WDR90: variants seen among roughly 807,000 people sequenced by gnomAD.
WDR90 encodes the protein WD repeat-containing protein 90.
Under a neutral mutation model 195.2 loss-of-function variants are expected in WDR90, and 238 were observed. The ratio of observed to expected loss-of-function variants is 1.22; its 90% confidence interval spans 1.10 to 1.36. The LOEUF (loss-of-function observed/expected upper bound fraction) is 1.36, where lower values mean the gene tolerates loss of function less well. Among genes scored for constraint, WDR90 ranks in the 40% most tolerant of loss-of-function variants. WDR90 has a pLI of 0.00. For synonymous variants in WDR90, 1,265 were observed against 1,052.4 expected (o/e 1.20, Z -3.91); for missense variants, 2,734 against 2,439.5 (o/e 1.12, Z -2.54).
At position 657,137 on chromosome 16, in the gene WDR90, C is replaced by T. The variant is rs775017787; in HGVS notation, c.2389C>T (p.Arg797Cys). Residue 797 changes from arginine to cysteine, a missense_variant, in exon 20 of 41, where the codon CGC becomes TGC. By Grantham distance (180) the Arg-to-Cys change is radical (BLOSUM62 -3). Transcript: ENST00000293879. The stretch of plus-strand genomic sequence containing the variant: ...CGGCCTGACCGCCACCCCTGACGGC[C>T]GCCTGCTCTTCAGCTCCTGCTCCCA... ...VTGLTATPDG[R>C]LLFSSCSQGS... 20 of 1,578,220 alleles carry T rather than the reference C, an allele frequency of 1.3e-5. No individual in the cohort carries two copies. Among genetic ancestry groups the T allele is most frequent in the Admixed American group, 9.0e-5 (5 of 55,290 alleles).
Position 653,362 on chromosome 16 carries a change from G to A in WDR90, c.1144G>A (p.Ala382Thr), listed in dbSNP as rs368974178. The A allele has an allele frequency of 1.3e-6, 2 of 1,579,390 alleles. No homozygotes were observed. Among genetic ancestry groups the A allele is most frequent in the African/African-American group, 2.7e-5 (2 of 73,292 alleles). ...TRQALWTPDG[A>T]AVVYPCHAVI... ...CCAGGCCCTGTGGACCCCAGACGGG[G>A]CGGCTGTCGTGTACCCCTGCCATGC... Residue 382 changes from alanine (A) to threonine (T), a missense_variant, in exon 11 of 41, where the codon GCG (alanine) becomes ACG (threonine). By Grantham distance (58) the Ala-to-Thr change is moderately conservative (BLOSUM62 0). Coordinates refer to ENST00000293879, the MANE Select transcript of WDR90 (RefSeq NM_145294.5).
In WDR90 at chr16:650,009, G is replaced by C. The variant is rs781476262; in HGVS notation, c.121G>C (p.Ala41Pro). ...TCTCCAGGACAAGACCCTGAAGGGC[G>C]CCGTGTATCGCATTCGGGGCTCAGT... ...AVVTDKTLKG[A>P]VYRIRGSVSA... Residue 41 changes from alanine to proline, a missense_variant, in exon 3 of 41, where the codon GCC becomes CCC. Transcript: ENST00000293879. The C allele has an allele frequency of 1.2e-6, 2 of 1,612,618 alleles. No individual in the cohort carries two copies. The highest frequency in any genetic ancestry group is 2.7e-5 in the African/African-American group (2 of 74,950).
chr16:667,511 C>T lies in WDR90; in HGVS notation c.5169C>T (p.Cys1723=). The stretch of plus-strand genomic sequence containing the variant: ...GCCACGACAACGCAGTGCACCTGTG[C>T]AGGTTTACACCGTCCGCCAGGCTGC... ...FAGHDNAVHL[C]RFTPSARLLF... Residue 1723 remains cysteine (C), a synonymous_variant, in exon 41 of 41, where the codon TGC becomes TGT. Transcript: ENST00000293879. 2 of 1,612,560 alleles carry T rather than the reference C, an allele frequency of 1.2e-6. No individual in the cohort carries two copies. Among genetic ancestry groups the T allele is most frequent in the African/African-American group, 2.7e-5 (2 of 75,066 alleles).
chr16:667,180 G>A (rs1359188621), intron 40 of WDR90, among the ~76,000 whole-genome samples, 191 bp downstream of exon 40: 1 of 152,206 alleles, frequency 6.6e-6, no homozygotes, highest in South Asian at 2.1e-4. Flanking sequence ...CAGGCACAGC[G>A]CCCAGCACAG....
In WDR90 at chr16:661,733, G is replaced by A; in HGVS notation, c.3810G>A (p.Gln1270=). 1 of 1,611,848 alleles carries A rather than the reference G, an allele frequency of 6.2e-7. No individual in the cohort carries two copies. The highest frequency in any genetic ancestry group is 8.5e-7 in the Non-Finnish European group (1 of 1,179,486). The change falls in exon 31 of 41, where the codon CAG becomes CAA. Residue 1270 remains glutamine (Q), a synonymous_variant. Transcript: ENST00000293879. ...WDAGELTCVG[Q]GTVTFWLLQQ... is the part of the protein sequence containing the mutation. The stretch of plus-strand genomic sequence containing the variant: ...CCGGCGAGCTCACCTGTGTGGGCCA[G>A]GGCACTGTCACCTTCTGGCTCCTTC...
chr16:649,986 T>C lies in WDR90; in HGVS notation c.103-5T>C, dbSNP rs1362013784. ...TGTCGGTGATGCGGGCTCCCGCTTC[T>C]CCAGGACAAGACCCTGAAGGGCGCC... On this transcript the variant is annotated splice_region_variant and splice_polypyrimidine_tract_variant and intron_variant, in intron 2 of 40. Transcript: ENST00000293879. The C allele has an allele frequency of 1.2e-6, 2 of 1,612,226 alleles. No individual in the cohort carries two copies.
At position 661,647 on chromosome 16, in the gene WDR90, C is replaced by T. The variant is rs1224061975; in HGVS notation, c.3724C>T (p.Leu1242Phe). 3 of 1,609,214 alleles carry T rather than the reference C, an allele frequency of 1.9e-6. No individual in the cohort carries two copies. The highest frequency in any genetic ancestry group is 2.7e-5 in the African/African-American group (2 of 74,844). The change falls in exon 31 of 41, where the codon CTC becomes TTC. Residue 1242 changes from leucine (L) to phenylalanine (F), a missense_variant. Physicochemically the swap from Leu to Phe is conservative, Grantham distance 22. Coordinates refer to ENST00000293879, the MANE Select transcript of WDR90 (RefSeq NM_145294.5). ...CCTGTGGGGCACGGCCACCTATGAC[C>T]TCGTGTCCTCCACCCGCCTCCCGGA... ...LALWGTATYD[L>F]VSSTRLPEPV... is the part of the protein sequence containing the mutation.
In WDR90 at chr16:650,606, C is replaced by G; in HGVS notation, c.456C>G (p.Leu152=). The G allele has an allele frequency of 6.2e-7, 1 of 1,612,790 alleles. No individual in the cohort carries two copies. The highest frequency in any genetic ancestry group is 8.5e-7 in the Non-Finnish European group (1 of 1,179,940). Residue 152 remains leucine, a synonymous_variant, in exon 5 of 41, where the codon CTC becomes CTG. Coordinates refer to ENST00000293879, the MANE Select transcript of WDR90 (RefSeq NM_145294.5). ...TCLQLDLQDV[L]LVYLNRCYGH... ...TGCAGCTCGATCTGCAGGACGTTCT[C>G]CTGGTCTACCTGAACCGGTGCTACG... is the stretch of plus-strand genomic sequence containing the variant.
At position 661,617 on chromosome 16, in the gene WDR90, C is replaced by T; in HGVS notation, c.3694C>T (p.Leu1232Phe). ...CCCAGGGGACCACGATGGCCGCACCCTCGCCCTGTGGGGCACGGCCACCTA... is the reference window on the plus strand; with the variant it reads ...CCCAGGGGACCACGATGGCCGCACCTTCGCCCTGTGGGGCACGGCCACCTA... ...VTLGDHDGRT[L>F]ALWGTATYDL... Residue 1232 changes from leucine (L) to phenylalanine (F), a missense_variant, in exon 31 of 41, where the codon CTC becomes TTC. Physicochemically the swap from Leu to Phe is conservative, Grantham distance 22. Transcript: ENST00000293879. The T allele has an allele frequency of 2.5e-6, 4 of 1,597,804 alleles. No homozygotes were observed. Among genetic ancestry groups the T allele is most frequent in the Non-Finnish European group, 2.6e-6 (3 of 1,171,380 alleles).
At position 651,243 on chromosome 16, in the gene WDR90, A is replaced by T. The variant is rs2037641071; in HGVS notation, c.713A>T (p.Lys238Met). 6.2e-7 allele frequency: 1 copy of T among 1,613,012 alleles called. No individual in the cohort carries two copies. The highest frequency in any genetic ancestry group is 1.3e-5 in the African/African-American group (1 of 74,890). ...AAAGTGCCTTCCAAGCCGATTGAGA[A>T]GAGCTGTTCCCCTCCTGAGGCAGGT... ...SLKVPSKPIE[K>M]SCSPPEAVLL... The change falls in exon 7 of 41, where the codon AAG (lysine) becomes ATG (methionine). Residue 238 changes from lysine to methionine, a missense_variant. Transcript: ENST00000293879.
chr16:661,245 C>T (rs566427456), intron 29 of WDR90, 73 bp downstream of exon 29: 11 of 1,522,600 alleles, frequency 7.2e-6, no homozygotes, highest in Admixed American at 1.9e-5. Flanking sequence ...CGGACCGGTG[C>T]GGGTTCTCAC....
At chr16:664,270 GCTTT>G (rs1299954283) in intron 34 of WDR90, among the ~76,000 whole-genome samples, 1 of 152,194 alleles carries the variant, frequency 6.6e-6, no homozygotes. Context: ...CCGTTGAGTG[GCTTT>G]CTGTGTCTGG....
At chr16:658,407 G>A in intron 22 of WDR90, 63 bp downstream of exon 22, 1 of 1,586,812 alleles carries the variant, frequency 6.3e-7, no homozygotes, top group South Asian at 1.1e-5. Context: ...CCTGGCCTCT[G>A]TGCCTGCAGC....
rs2037809060 is a variant in WDR90, at chr16:658,429, G to C, written c.2766+85G>C. On this transcript the variant is annotated intron_variant, in intron 22 of 40. Coordinates refer to ENST00000293879, the MANE Select transcript of WDR90 (RefSeq NM_145294.5). ...TCTGTGCCTGCAGCCTCTCCAGCTG[G>C]GTGGGGGGCCGTCGCCACACCCACA... 3.2e-6 allele frequency: 5 copies of C among 1,578,360 alleles called. No homozygotes were observed. In the Admixed American group the frequency reaches 8.6e-5, roughly 27 times the overall value.
Position 649,423 on chromosome 16 carries a change from C to A in WDR90, c.7C>A (p.Arg3=), listed in dbSNP as rs945187551. 3 of 1,304,028 alleles carry A rather than the reference C, an allele frequency of 2.3e-6. No homozygotes were observed. The highest frequency in any genetic ancestry group is 2.9e-6 in the Non-Finnish European group (3 of 1,029,574). The allele number at this position is 1,304,028 out of a possible 1,614,324, so 80.8% of individuals were successfully genotyped here. The stretch of plus-strand genomic sequence containing the variant: ...AAGCTCGAGCGGCGGCGCCATGGCC[C>A]GAGGTAGCGCGCGGCTGGCGGGGGT... MA[R]AWQHPFLNVF... The change falls in exon 1 of 41, where the codon CGA becomes AGA. Residue 3 remains arginine (R), a synonymous_variant. Coordinates refer to ENST00000293879, the MANE Select transcript of WDR90 (RefSeq NM_145294.5).
At chr16:659,526 G>A (rs1248639626) in intron 26 of WDR90, 150 bp downstream of exon 26, 3 of 1,138,298 alleles carry the variant, frequency 2.6e-6, no homozygotes, top group Non-Finnish European at 3.7e-6. Context: ...CGGGGTGGGG[G>A]CAGCTTTTCC....
At chr16:662,442 C>G in intron 33 of WDR90, 111 bp downstream of exon 33, 1 of 1,355,862 alleles carries the variant, frequency 7.4e-7, no homozygotes, top group Non-Finnish European at 1.0e-6. Context: ...GACCGGCCGC[C>G]TGCTAGCCCC....
chr16:656,771 G>A lies in WDR90; in HGVS notation c.2242G>A (p.Val748Ile), dbSNP rs764455958. 6.2e-7 allele frequency: 1 copy of A among 1,613,266 alleles called. No individual in the cohort carries two copies. Among genetic ancestry groups the A allele is most frequent in the South Asian group, 1.1e-5 (1 of 91,082 alleles). The change falls in exon 19 of 41, where the codon GTC becomes ATC. Residue 748 changes from valine to isoleucine, a missense_variant. Transcript: ENST00000293879. The part of the protein sequence containing the change: ...FTSSEDAPCA[V>I]TFHPTRPTFF... ...ATCATCAGAGGACGCCCCGTGCGCT[G>A]TCACCTTCCACCCCACAAGGCCAAC...
chr16:659,372 C>T lies in WDR90; in HGVS notation c.3180C>T (p.Gly1060=), dbSNP rs756230228. 14 of 1,590,884 alleles carry T rather than the reference C, an allele frequency of 8.8e-6. No individual in the cohort carries two copies. The highest frequency in any genetic ancestry group is 5.7e-5 in the South Asian group (5 of 87,778). Residue 1060 remains glycine, a synonymous_variant, in exon 26 of 41, where the codon GGC becomes GGT. Coordinates refer to ENST00000293879, the MANE Select transcript of WDR90 (RefSeq NM_145294.5). The part of the protein sequence containing the change: ...LGVCARPPEG[G]DGARDTRNSG... ...TCTGTGCCAGGCCTCCCGAAGGTGGCGATGGTGAGCAGCAGGGGTCCTGGA... is the reference window on the plus strand; with the variant it reads ...TCTGTGCCAGGCCTCCCGAAGGTGGTGATGGTGAGCAGCAGGGGTCCTGGA...
Sources: gnomAD v4.1 joint callset for allele counts (sites outside exome capture counted in the v4.1 genomes callset) on GRCh38, gnomAD v4.1.1 for gene constraint, MANE v1.5 for transcripts, NCBI Gene and HGNC (gene_info 2026-07-23, HGNC 2026-07-21) for gene names.